Variants in TRAPPC11 observed in about 807,000 individuals in gnomAD.
The protein encoded by TRAPPC11 is trafficking protein particle complex subunit 11, also known as foie gras homolog.
Under a neutral mutation model 151.2 loss-of-function variants are expected in TRAPPC11, and 104 were observed. That is an observed-to-expected ratio of 0.69 (90% CI 0.59 to 0.81). The LOEUF (loss-of-function observed/expected upper bound fraction) is 0.81, where lower values mean the gene tolerates loss of function less well. Ranked by LOEUF, TRAPPC11 falls within the 30% of genes least tolerant of loss-of-function variation. The probability of loss-of-function intolerance (pLI) is 0.00; values close to 1 mark genes in which losing one functional copy is unlikely to be tolerated. For synonymous variants in TRAPPC11, 456 were observed against 472.3 expected (o/e 0.97, Z 0.45); for missense variants, 1,230 against 1,349.6 (o/e 0.91, Z 1.39).
intron 2 of TRAPPC11, 99 bp from the exon 3 acceptor site, chr4:183,666,158 A>T (rs748412095): frequency 7.6e-6 from 8 of 1,047,806 alleles, no homozygotes; most frequent in Non-Finnish European, 1.1e-5. Context: ...GGAGGTGTGT[A>T]TATTGAATGA....
In TRAPPC11 at chr4:183,712,609, C is replaced by G. The variant is rs755801967; in HGVS notation, c.3367C>G (p.Arg1123Gly). The change falls in exon 30 of 30, where the codon CGA becomes GGA. Residue 1123 changes from arginine (R) to glycine (G), a missense_variant. By Grantham distance (125) the Arg-to-Gly change is moderately radical. Coordinates refer to ENST00000334690, the MANE Select transcript of TRAPPC11 (RefSeq NM_021942.6). ...TTTTCCCACTTTAAAGCCACAGGGT[C>G]GACTCATGGATGATACCTCTATTGC... ...PTSIFVKPQG[R>G]LMDDTSIAAA The G allele has an allele frequency of 1.2e-6, 2 of 1,614,060 alleles. No homozygotes were observed. The highest frequency in any genetic ancestry group is 2.2e-5 in the South Asian group (2 of 91,068).
intron 23 of TRAPPC11, among the ~76,000 whole-genome samples, chr4:183,695,725 T>C (rs903147499): frequency 6.6e-6 from 1 of 152,192 alleles, no homozygotes; most frequent in Non-Finnish European, 1.5e-5. Flanking sequence ...GTAGTTTTGT[T>C]ACTGCACAGA....
chr4:183,683,616 G>A (rs1218874009), intron 11 of TRAPPC11, among the ~76,000 whole-genome samples: 1 of 151,458 alleles, frequency 6.6e-6, no homozygotes, highest in Non-Finnish European at 1.5e-5. Context: ...AGCTGTGATT[G>A]TACCGCTGCA....
chr4:183,691,823 A>G (rs1449519448), intron 19 of TRAPPC11, among the ~76,000 whole-genome samples: 1 of 152,148 alleles, frequency 6.6e-6, no homozygotes, highest in African/African-American at 2.4e-5. Context: ...AATAATGTAT[A>G]TTATGTAATA....
chr4:183,703,025 C>T (rs1736878192), intron 26 of TRAPPC11, among the ~76,000 whole-genome samples: 1 of 152,016 alleles, frequency 6.6e-6, no homozygotes, highest in East Asian at 1.9e-4. Context: ...ATGAAATTGC[C>T]TTCAAAGAAT....
At position 183,708,245 on chromosome 4, in the gene TRAPPC11, C is replaced by T. The variant is rs114090077; in HGVS notation, c.3190-162C>T. Among the ~76,000 whole-genome samples, 1,544 of 152,266 alleles carry T rather than the reference C, an allele frequency of 0.01. 31 individuals are homozygous for T. The highest frequency in any genetic ancestry group is 0.036 in the African/African-American group (1,476 of 41,536). ...GTCCTAAACTCATACTAATTCAGCC[C>T]TACACTTTGGAATCTGTTTGGAAGA... On this transcript the variant is annotated intron_variant, in intron 28 of 29. Coordinates refer to ENST00000334690, the MANE Select transcript of TRAPPC11 (RefSeq NM_021942.6).
chr4:183,692,874 G>A (rs1736322664), intron 19 of TRAPPC11, 86 bp from the exon 20 acceptor site: 3 of 1,248,458 alleles, frequency 2.4e-6, no homozygotes, highest in Non-Finnish European at 3.4e-6. Context: ...CATGGTCTTA[G>A]CAGTCGACGA....
chr4:183,685,587 C>T (rs1735924584), intron 17 of TRAPPC11, among the ~76,000 whole-genome samples, 184 bp downstream of exon 17: 1 of 151,992 alleles, frequency 6.6e-6, no homozygotes. Context: ...ATCTTAAATA[C>T]TTGACTTATG....
At position 183,701,771 on chromosome 4, in the gene TRAPPC11, G is replaced by A. The variant is rs777141466; in HGVS notation, c.2926G>A (p.Gly976Arg). The A allele has an allele frequency of 2.5e-6, 4 of 1,613,852 alleles. No homozygotes were observed. The Admixed American group carries it at 6.7e-5, about 27-fold the overall frequency. ...CCCATCTCTTGGAAATATTGAAGGT[G>A]GAGTAGCAACCGGGCATTATATTAT... is the stretch of plus-strand genomic sequence containing the variant. ...QCPSLGNIEG[G>R]VATGHYIISW... The change falls in exon 26 of 30, where the codon GGA (glycine) becomes AGA (arginine). Residue 976 changes from glycine (G) to arginine (R), a missense_variant. Gly to Arg is a moderately radical substitution (Grantham distance 125, BLOSUM62 -2). Transcript: ENST00000334690.
intron 3 of TRAPPC11, chr4:183,666,817 T>A: frequency 4.3e-6 from 2 of 460,582 alleles, no homozygotes; most frequent in East Asian, 3.3e-5. Context: ...TACGTAAAAG[T>A]ATACATTAAT....
chr4:183,684,400 T>G, intron 14 of TRAPPC11, 41 bp downstream of exon 14: 1 of 1,545,064 alleles, frequency 6.5e-7, no homozygotes, highest in Non-Finnish European at 8.9e-7. Flanking sequence ...GTATTTGGAT[T>G]ATCTGAAGTG....
chr4:183,698,150 C>G (rs1210148921), intron 25 of TRAPPC11, among the ~76,000 whole-genome samples: 3 of 151,756 alleles, frequency 2.0e-5, no homozygotes, highest in African/African-American at 7.3e-5. Flanking sequence ...TTCTCATTAA[C>G]TCTTAATGTT....
Position 183,668,520 on chromosome 4 carries a change from A to G in TRAPPC11, c.560+403A>G, listed in dbSNP as rs538941375. 3.9e-5 allele frequency among the ~76,000 whole-genome samples: 6 copies of G among 151,934 alleles called. No individual in the cohort carries two copies. In the South Asian group the frequency reaches 1.2e-3, roughly 32 times the overall value. On this transcript the variant is annotated intron_variant, in intron 5 of 29. Transcript: ENST00000334690. ...CTTTATTTAAAGAAACAAAGTTTAT[A>G]TGTTTCTCCATTATACTTTCCAGTA...
rs1210914782 is a variant in TRAPPC11 at position 183,685,292 on chromosome 4, C to G, written c.1651C>G (p.Pro551Ala). ...GCAGAATGAAAGTCCTGATCCAGAA[C>G]CCGACTGTGATATCTTAGCTGTGAA... ...VLMNESPDPE[P>A]DCDILAVKTA... Residue 551 changes from proline to alanine, a missense_variant, in exon 17 of 30, where the codon CCC becomes GCC. Physicochemically the swap from Pro to Ala is conservative, Grantham distance 27 (BLOSUM62 -1). Coordinates refer to ENST00000334690, the MANE Select transcript of TRAPPC11 (RefSeq NM_021942.6). 3 of 1,614,054 alleles carry G rather than the reference C, an allele frequency of 1.9e-6. No individual in the cohort carries two copies. The highest frequency in any genetic ancestry group is 1.7e-6 in the Non-Finnish European group (2 of 1,179,940).
chr4:183,676,149 A>T (rs1354925064), intron 7 of TRAPPC11, among the ~76,000 whole-genome samples: 1 of 151,966 alleles, frequency 6.6e-6, no homozygotes, highest in African/African-American at 2.4e-5. Context: ...GCTTTAATGT[A>T]GTTCATTTTT....
Position 183,680,271 on chromosome 4 carries a change from A to G in TRAPPC11, c.1113+4A>G. 6.2e-7 allele frequency: 1 copy of G among 1,613,862 alleles called. No homozygotes were observed. Among genetic ancestry groups the G allele is most frequent in the Non-Finnish European group, 8.5e-7 (1 of 1,179,924 alleles). The stretch of plus-strand genomic sequence containing the variant: ...AAAAACCCTCTGTAACCACGAAGTA[A>G]GTTACTCACTCCGTATTATCTAGCA... On this transcript the variant is annotated splice_donor_region_variant and intron_variant, in intron 10 of 29. Transcript: ENST00000334690.
intron 10 of TRAPPC11, among the ~76,000 whole-genome samples, chr4:183,680,556 A>G (rs1301476820): frequency 1.7e-4 from 26 of 152,136 alleles, no homozygotes; most frequent in Admixed American, 1.6e-3. Context: ...TCCTTGTCAC[A>G]CTATAAATCC....
rs773746592 is a variant in TRAPPC11 at position 183,705,031 on chromosome 4, C to T, written c.3016C>T (p.His1006Tyr). 1 of 1,599,616 alleles carries T rather than the reference C, an allele frequency of 6.3e-7. No homozygotes were observed. Among genetic ancestry groups the T allele is most frequent in the Non-Finnish European group, 8.5e-7 (1 of 1,169,860 alleles). Reference sequence around the variant, plus strand: ...CATCACAACTGTCATCACTCTGCCGCACGTGATTGTGGAGAATATCCCTCT... The same window carrying T: ...CATCACAACTGTCATCACTCTGCCGTACGTGATTGTGGAGAATATCCCTCT... The part of the protein sequence containing the change: ...PIITTVITLP[H>Y]VIVENIPLHV... Residue 1006 changes from histidine to tyrosine, a missense_variant, in exon 27 of 30, where the codon CAC becomes TAC. His to Tyr is a moderately conservative substitution (Grantham distance 83). Coordinates refer to ENST00000334690, the MANE Select transcript of TRAPPC11 (RefSeq NM_021942.6).
At chr4:183,680,679 C>CTTTTTTTTTTT (rs71589581) in intron 10 of TRAPPC11, among the ~76,000 whole-genome samples, 3 of 82,962 alleles carry the variant, frequency 3.6e-5, no homozygotes, top group East Asian at 4.1e-4. Flanking sequence ...TATGGAGACT[C>CTTTTTTTTTTT]TTTTTTTTTT....
Sources: allele counts gnomAD v4.1 joint callset (sites outside exome capture counted in the v4.1 genomes callset), GRCh38; gene constraint gnomAD v4.1.1; transcripts MANE v1.5; gene names NCBI Gene and HGNC (gene_info 2026-07-23, HGNC 2026-07-21).